The following TET3 variants were observed in gnomAD, a reference collection of about 807,000 sequenced individuals.
The protein encoded by TET3 is tet methylcytosine dioxygenase 3, also known as methylcytosine dioxygenase TET3.
A neutral mutation model predicts 141.4 loss-of-function variants in TET3; 19 were observed. That is an observed-to-expected ratio of 0.13 (90% CI 0.09 to 0.20). The LOEUF (loss-of-function observed/expected upper bound fraction) is 0.20. Among genes scored for constraint, TET3 ranks in the 10% least tolerant of loss-of-function variants. The pLI, the probability that TET3 is intolerant of heterozygous loss-of-function variation, is 1.00. For synonymous variants in TET3, 1,043 were observed against 980.9 expected (o/e 1.06, Z -1.18); for missense variants, 1,874 against 2,356.9 (o/e 0.80, Z 4.24).
At chr2:74,011,459 G>A (rs1320574046) in intron 3 of TET3, among the ~76,000 whole-genome samples, 1 of 152,206 alleles carries the variant, frequency 6.6e-6, no homozygotes, top group African/African-American at 2.4e-5. Context: ...GGCCTAGAGG[G>A]CTTCAGCTTG....
intron 2 of TET3, chr2:74,002,786 G>A: frequency 3.5e-6 from 2 of 569,410 alleles, no homozygotes; most frequent in Non-Finnish European, 6.2e-6. Flanking sequence ...CGATGCACCA[G>A]AGGAGGCCGG....
At chr2:74,050,818 C>T (rs564504266) in intron 4 of TET3, among the ~76,000 whole-genome samples, 1 of 151,982 alleles carries the variant, frequency 6.6e-6, no homozygotes, top group South Asian at 2.1e-4. Flanking sequence ...TCCCAAAGTG[C>T]TGGGATTATA....
At chr2:74,071,279 G>A (rs1689188442) in intron 4 of TET3, among the ~76,000 whole-genome samples, 1 of 152,150 alleles carries the variant, frequency 6.6e-6, no homozygotes, top group Non-Finnish European at 1.5e-5. Context: ...TGGGGATTAG[G>A]CTTCAACATA....
At chr2:74,070,966 C>T (rs1347016611) in intron 4 of TET3, among the ~76,000 whole-genome samples, 3 of 151,978 alleles carry the variant, frequency 2.0e-5, no homozygotes, top group Non-Finnish European at 4.4e-5. Flanking sequence ...CAGAGTGAGA[C>T]CCTGTCTCTA....
intron 4 of TET3, among the ~76,000 whole-genome samples, chr2:74,070,751 A>T (rs1011019593): frequency 2.6e-5 from 4 of 152,168 alleles, no homozygotes; most frequent in African/African-American, 4.8e-5. Context: ...AGGCAGGCAG[A>T]TAGATTGAGC....
At chr2:73,997,071 TCTGA>T (rs1327260705) in intron 2 of TET3, among the ~76,000 whole-genome samples, 1 of 152,252 alleles carries the variant, frequency 6.6e-6, no homozygotes, top group East Asian at 1.9e-4. Context: ...ATAAGGCATC[TCTGA>T]CTGCTGCTAG....
In TET3 at chr2:74,048,077, T is replaced by C; in HGVS notation, c.2160T>C (p.Asp720=). ...LIRQFEAEFG[D]SFGLPGPPSV... The stretch of plus-strand genomic sequence containing the variant: ...GGCAGTTTGAGGCTGAATTTGGAGA[T>C]AGCTTTGGGCTTCCCGGCCCCCCTT... The change falls in exon 4 of 12, where the codon GAT becomes GAC. Residue 720 remains aspartate, a synonymous_variant. Coordinates refer to ENST00000409262, the MANE Select transcript of TET3 (RefSeq NM_001287491.2). 6.2e-7 allele frequency: 1 copy of C among 1,613,276 alleles called. No individual in the cohort carries two copies.
chr2:74,130,044 G>A, the TET3 span, among the ~76,000 whole-genome samples: 1 of 149,420 alleles, frequency 6.7e-6, no homozygotes, highest in East Asian at 2.0e-4. Flanking sequence ...GCAGTGAGCG[G>A]AGATTGTGCC....
At chr2:74,116,583 G>T in the TET3 span, among the ~76,000 whole-genome samples, 1 of 151,648 alleles carries the variant, frequency 6.6e-6, no homozygotes, top group African/African-American at 2.4e-5. Flanking sequence ...TACTCGGCAG[G>T]CTGAGGCACG....
downstream of TET3, among the ~76,000 whole-genome samples, chr2:74,108,741 T>C (rs576997433): frequency 5.9e-5 from 9 of 152,282 alleles, no homozygotes; most frequent in South Asian, 1.0e-3. Context: ...GGAGAGAGAA[T>C]AGTGAATCTG....
intron 4 of TET3, among the ~76,000 whole-genome samples, chr2:74,067,511 C>G (rs149765133): frequency 6.6e-6 from 1 of 152,204 alleles, no homozygotes; most frequent in African/African-American, 2.4e-5. Context: ...CCCAGGTTTC[C>G]GTCTGCAAGA....
the TET3 span, among the ~76,000 whole-genome samples, chr2:74,131,670 G>A: frequency 6.6e-6 from 1 of 152,108 alleles, no homozygotes; most frequent in African/African-American, 2.4e-5. Flanking sequence ...GGGAACTTTG[G>A]GTTTTCCACT....
intron 3 of TET3, among the ~76,000 whole-genome samples, chr2:74,028,949 A>G (rs1037115191): frequency 1.3e-5 from 2 of 152,210 alleles, no homozygotes; most frequent in Admixed American, 6.5e-5. Context: ...AGTCCTGGCC[A>G]AGACTCAGCT....
intron 4 of TET3, among the ~76,000 whole-genome samples, chr2:74,060,242 G>T (rs1472797599): frequency 6.6e-6 from 1 of 152,202 alleles, no homozygotes; most frequent in Admixed American, 6.5e-5. Flanking sequence ...TGCCTAATGA[G>T]GGTGAGCAGT....
At chr2:74,055,776 G>A (rs895513002) in intron 4 of TET3, among the ~76,000 whole-genome samples, 12 of 152,238 alleles carry the variant, frequency 7.9e-5, no homozygotes, top group African/African-American at 1.4e-4. Context: ...GGATTAATGG[G>A]TTAATGGATT....
At chr2:74,048,532 C>T in intron 4 of TET3, 121 bp downstream of exon 4, 1 of 1,102,914 alleles carries the variant, frequency 9.1e-7, no homozygotes, top group South Asian at 1.7e-5. Flanking sequence ...ACACTGGGTT[C>T]TGGGAACACA....
intron 3 of TET3, among the ~76,000 whole-genome samples, chr2:74,021,551 T>G (rs1389194446): frequency 6.6e-6 from 1 of 152,200 alleles, no homozygotes; most frequent in Admixed American, 6.5e-5. Context: ...TCACCTGGTT[T>G]CTGAACCAGC....
intron 4 of TET3, among the ~76,000 whole-genome samples, chr2:74,060,018 T>C (rs1348073460): frequency 6.6e-6 from 1 of 152,238 alleles, no homozygotes; most frequent in Non-Finnish European, 1.5e-5. Context: ...GGTGCATTTA[T>C]GTATACATGT....
At chr2:74,066,925 C>T (rs769434411) in intron 4 of TET3, among the ~76,000 whole-genome samples, 1 of 152,164 alleles carries the variant, frequency 6.6e-6, no homozygotes, top group East Asian at 1.9e-4. Flanking sequence ...TAAGACCCTG[C>T]AGTCAATTTG....
Sources: allele counts gnomAD v4.1 joint callset (sites outside exome capture counted in the v4.1 genomes callset), GRCh38; gene constraint gnomAD v4.1.1; transcripts MANE v1.5; gene names NCBI Gene and HGNC (gene_info 2026-07-23, HGNC 2026-07-21).